The following SLAIN1 variants were observed in gnomAD, a reference collection of about 807,000 sequenced individuals.
The protein encoded by SLAIN1 is SLAIN motif-containing protein 1.
A neutral mutation model predicts 55.4 loss-of-function variants in SLAIN1; 17 were observed. The ratio of observed to expected loss-of-function variants is 0.31; its 90% confidence interval spans 0.21 to 0.46. SLAIN1 has a LOEUF of 0.46. Among genes scored for constraint, SLAIN1 ranks in the 20% least tolerant of loss-of-function variants. The probability of loss-of-function intolerance (pLI) is 1.00; values close to 1 mark genes in which losing one functional copy is unlikely to be tolerated. For missense variants in SLAIN1, 682 were observed against 785.1 expected (o/e 0.87, Z 1.57); for synonymous variants, 348 against 337.4 (o/e 1.03, Z -0.35).
At chr13:77,742,292 T>G (rs149391622) in intron 2 of SLAIN1, among the ~76,000 whole-genome samples, 1,822 of 152,114 alleles carry the variant, frequency 0.012, 32 homozygotes, top group East Asian at 0.018. Flanking sequence ...CTTGAAAAGC[T>G]AGTTATATAA....
At chr13:77,734,928 G>A (rs1208978462) in intron 2 of SLAIN1, among the ~76,000 whole-genome samples, 2 of 152,090 alleles carry the variant, frequency 1.3e-5, no homozygotes, top group Admixed American at 6.6e-5. Flanking sequence ...GCTGAGACAG[G>A]AGAATTGCTT....
chr13:77,758,910 C>T (rs1166318572), intron 5 of SLAIN1, among the ~76,000 whole-genome samples: 1 of 151,842 alleles, frequency 6.6e-6, no homozygotes, highest in Non-Finnish European at 1.5e-5. Context: ...GCTATGTGGG[C>T]CGTTTTTTGG....
chr13:77,763,293 G>A lies in SLAIN1; in HGVS notation c.*73G>A. The A allele has an allele frequency of 3.9e-5, 44 of 1,136,072 alleles. No individual in the cohort carries two copies. The highest frequency in any genetic ancestry group is 5.4e-5 in the Non-Finnish European group (41 of 752,774). 70.4% of individuals were successfully genotyped at this position (1,136,072 alleles called of 1,614,324 possible). On this transcript the variant is annotated 3_prime_UTR_variant, in exon 7 of 7. Coordinates refer to ENST00000418532, the MANE Select transcript of SLAIN1 (RefSeq NM_001242868.2). ...GTTGTGTTACCTAGCTGGCTGGGTA[G>A]CAGTGGATGTTGGGATATTCTTTCC... is the stretch of plus-strand genomic sequence containing the variant.
At position 77,744,276 on chromosome 13, in the gene SLAIN1, G is replaced by A. The variant is rs780272901; in HGVS notation, c.767-7G>A. ...ATGGAAGAACACACTTTTCCTTTGT[G>A]TTTCAGGTTACACTTCCAGGGGCTC... On this transcript the variant is annotated splice_polypyrimidine_tract_variant and splice_region_variant and intron_variant, in intron 2 of 6. Transcript: ENST00000418532. The A allele has an allele frequency of 5.0e-6, 8 of 1,603,140 alleles. No homozygotes were observed. The South Asian group carries it at 8.8e-5, about 18-fold the overall frequency.
intron 2 of SLAIN1, among the ~76,000 whole-genome samples, chr13:77,737,958 T>C (rs1862784002): frequency 6.6e-6 from 1 of 152,026 alleles, no homozygotes; most frequent in African/African-American, 2.4e-5. Context: ...TTCAAATGAA[T>C]AGAGAAATGA....
chr13:77,760,704 C>G (rs573118716), intron 5 of SLAIN1, 124 bp from the exon 6 acceptor site: 1 of 981,748 alleles, frequency 1.0e-6, no homozygotes, highest in South Asian at 1.6e-5. Context: ...AACCTATATT[C>G]TGTTTTTCTC....
intron 2 of SLAIN1, among the ~76,000 whole-genome samples, chr13:77,725,470 C>T (rs539300535): frequency 2.0e-5 from 3 of 152,272 alleles, no homozygotes; most frequent in East Asian, 3.9e-4. Flanking sequence ...GTCTCTCATA[C>T]TCTTAACTCT....
chr13:77,735,481 A>G (rs1288554083), intron 2 of SLAIN1, among the ~76,000 whole-genome samples: 1 of 152,150 alleles, frequency 6.6e-6, no homozygotes, highest in Admixed American at 6.6e-5. Flanking sequence ...CGGGGTTGAC[A>G]CACTATGGCC....
intron 2 of SLAIN1, among the ~76,000 whole-genome samples, chr13:77,738,670 A>G (rs1290214019): frequency 6.6e-6 from 1 of 152,100 alleles, no homozygotes; most frequent in Non-Finnish European, 1.5e-5. Context: ...AACAGTGAGA[A>G]GATATGGACA....
At position 77,746,990 on chromosome 13, in the gene SLAIN1, G is replaced by A. The variant is rs375838000; in HGVS notation, c.1258+135G>A. On this transcript the variant is annotated intron_variant, in intron 4 of 6. Coordinates refer to ENST00000418532, the MANE Select transcript of SLAIN1 (RefSeq NM_001242868.2). ...CTCCTAGGTTGGAGTGCAGTGGCAC[G>A]ATCTCAGCTCACTGCAACCTCCACC... The A allele has an allele frequency of 5.8e-5, 44 of 753,128 alleles. No individual in the cohort carries two copies. In the East Asian group the frequency reaches 1.0e-3, roughly 18 times the overall value. 46.7% of individuals were successfully genotyped at this position (753,128 alleles called of 1,614,324 possible).
At chr13:77,705,147 T>G (rs956515865) in intron 1 of SLAIN1, among the ~76,000 whole-genome samples, 1 of 151,906 alleles carries the variant, frequency 6.6e-6, no homozygotes, top group East Asian at 1.9e-4. Flanking sequence ...AAAGATGACT[T>G]TAGAACCAAA....
At chr13:77,717,076 CT>C (rs1006794719) in intron 1 of SLAIN1, among the ~76,000 whole-genome samples, 11 of 151,806 alleles carry the variant, frequency 7.2e-5, no homozygotes, top group African/African-American at 2.2e-4. Context: ...TGTCAAATGC[CT>C]TTTTTTTCTA....
chr13:77,749,777 C>A (rs1488652371), intron 4 of SLAIN1, among the ~76,000 whole-genome samples: 1 of 152,148 alleles, frequency 6.6e-6, no homozygotes, highest in Non-Finnish European at 1.5e-5. Context: ...TGGTCTGACA[C>A]AAGTTGGAGA....
At chr13:77,739,880 T>C (rs1171611900) in intron 2 of SLAIN1, among the ~76,000 whole-genome samples, 2 of 152,116 alleles carry the variant, frequency 1.3e-5, no homozygotes, top group Non-Finnish European at 2.9e-5. Context: ...GTGTTATAAC[T>C]TATCTTTTCA....
chr13:77,733,452 G>A (rs995710885), intron 2 of SLAIN1, among the ~76,000 whole-genome samples: 1 of 152,006 alleles, frequency 6.6e-6, no homozygotes, highest in Non-Finnish European at 1.5e-5. Context: ...GGTATCATAG[G>A]TACTCATACA....
At chr13:77,753,750 C>T (rs1272919045) in intron 5 of SLAIN1, among the ~76,000 whole-genome samples, 1 of 152,110 alleles carries the variant, frequency 6.6e-6, no homozygotes, top group Admixed American at 6.5e-5. Context: ...TGCAGATCCT[C>T]CTCCTTCTAG....
In SLAIN1 at chr13:77,764,001, T is replaced by G. The variant is rs886289883; in HGVS notation, c.*781T>G. The G allele has an allele frequency of 1.3e-5, 2 of 152,656 alleles. No homozygotes were observed. The highest frequency in any genetic ancestry group is 4.8e-5 in the African/African-American group (2 of 41,466). The allele number at this position is 152,656 out of a possible 1,614,324, so 9.5% of individuals were successfully genotyped here. ...ACTTAATACCTGCAATGTTTGCTAC[T>G]GTACCACAATTGATTTTCAATACTT... On this transcript the variant is annotated 3_prime_UTR_variant, in exon 7 of 7. Transcript: ENST00000418532.
intron 2 of SLAIN1, among the ~76,000 whole-genome samples, chr13:77,736,845 C>T (rs1266034916): frequency 2.6e-5 from 4 of 151,664 alleles, no homozygotes; most frequent in Non-Finnish European, 5.9e-5. Context: ...TGGAATTCTC[C>T]TCCCCAAATT....
At chr13:77,720,574 A>G (rs1235158520) in intron 2 of SLAIN1, among the ~76,000 whole-genome samples, 1 of 152,176 alleles carries the variant, frequency 6.6e-6, no homozygotes. Context: ...ATGCTTCAAG[A>G]GCTCTTAATT....
Sources: gnomAD v4.1 joint callset for allele counts (sites outside exome capture counted in the v4.1 genomes callset) on GRCh38, gnomAD v4.1.1 for gene constraint, MANE v1.5 for transcripts, NCBI Gene and HGNC (gene_info 2026-07-23, HGNC 2026-07-21) for gene names.